Variants in UBE3A observed in about 807,000 individuals in gnomAD.
UBE3A encodes ubiquitin protein ligase E3A, also known as ubiquitin-protein ligase E3A.
Under a neutral mutation model 83.4 loss-of-function variants are expected in UBE3A, and 6 were observed. The ratio of observed to expected loss-of-function variants is 0.07; its 90% CI spans 0.04 to 0.14. The LOEUF is 0.14. Ranked by LOEUF, UBE3A falls within the 10% of genes least tolerant of loss-of-function variation. UBE3A has a pLI of 1.00. For missense variants in UBE3A, 456 were observed against 1,036.1 expected, an observed-to-expected ratio of 0.44 and a Z score of 7.69; for synonymous variants, 337 against 355.4, an observed-to-expected ratio of 0.95 and a Z score of 0.58.
intron 4 of UBE3A, among the ~76,000 whole-genome samples, chr15:25,385,892 C>A (rs903353756): frequency 1.3e-5 from 2 of 152,120 alleles, no homozygotes; most frequent in African/African-American, 4.8e-5. Context: ...GTTTTACATC[C>A]AGGCAATTGA....
At chr15:25,367,209 ATATGTAAATATT>A (rs1280731209) in intron 6 of UBE3A, among the ~76,000 whole-genome samples, 2 of 100,612 alleles carry the variant, frequency 2.0e-5, no homozygotes, top group Non-Finnish European at 3.6e-5. Flanking sequence ...ATATTTGTAA[ATATGTAAATATT>A]TACATATTTG....
chr15:25,436,467 T>C (rs1895110436), intron 1 of UBE3A, among the ~76,000 whole-genome samples: 1 of 152,196 alleles, frequency 6.6e-6, no homozygotes, highest in Non-Finnish European at 1.5e-5. Context: ...AATTTTGCTA[T>C]GACCTATAAA....
At position 25,333,991 on chromosome 15, in the gene UBE3A, C is replaced by T; in HGVS notation, c.*5146G>A. 6.6e-6 allele frequency: 1 copy of T among 151,602 alleles called. No individual in the cohort carries two copies. The allele number at this position is 151,602 out of a possible 1,614,324, so 9.4% of individuals were successfully genotyped here. ...AAACCCACAGCTAGCTAACATCATA[C>T]TCAATGGTGAAAGACTGAATGCTTT... On this transcript the variant is annotated 3_prime_UTR_variant, in exon 13 of 13. Coordinates refer to ENST00000648336, the MANE Select transcript of UBE3A (RefSeq NM_130839.5).
intron 3 of UBE3A, chr15:25,407,168 C>A: frequency 1.5e-6 from 2 of 1,346,036 alleles, no homozygotes. Flanking sequence ...CATGTACCAG[C>A]TGACTCATTT....
intron 1 of UBE3A, among the ~76,000 whole-genome samples, chr15:25,436,246 C>A (rs1299689205): frequency 6.6e-6 from 1 of 152,158 alleles, no homozygotes; most frequent in Non-Finnish European, 1.5e-5. Flanking sequence ...CGAAAGATCA[C>A]TTCTAAAAGT....
intron 1 of UBE3A, among the ~76,000 whole-genome samples, chr15:25,435,374 T>C (rs1894763506): frequency 6.6e-6 from 1 of 152,186 alleles, no homozygotes; most frequent in South Asian, 2.1e-4. Context: ...ACCTAATAAA[T>C]GTTAGTTGAT....
At chr15:25,429,368 T>C (rs996631211) in intron 1 of UBE3A, among the ~76,000 whole-genome samples, 5 of 152,176 alleles carry the variant, frequency 3.3e-5, no homozygotes, top group Non-Finnish European at 5.9e-5. Flanking sequence ...GGTGGATAAA[T>C]AGGCACTTGC....
chr15:25,344,000 ACTG>A (rs1224178659), intron 11 of UBE3A, among the ~76,000 whole-genome samples: 3 of 152,204 alleles, frequency 2.0e-5, no homozygotes, highest in Non-Finnish European at 2.9e-5. Flanking sequence ...ACTGTTGTAA[ACTG>A]CTGGTGGGAA....
At chr15:25,424,268 C>G (rs1176146299) in intron 1 of UBE3A, among the ~76,000 whole-genome samples, 1 of 152,130 alleles carries the variant, frequency 6.6e-6, no homozygotes, top group East Asian at 1.9e-4. Context: ...TGGGGTTTCC[C>G]TATTCACTAC....
chr15:25,354,822 C>G (rs1404704835), intron 9 of UBE3A, 139 bp from the exon 10 acceptor site: 2 of 785,242 alleles, frequency 2.5e-6, no homozygotes, highest in Non-Finnish European at 4.0e-6. Context: ...TTTACACCTA[C>G]TTCTTAACAA....
chr15:25,408,818 T>G, intron 3 of UBE3A: 1 of 859,976 alleles, frequency 1.2e-6, no homozygotes, highest in South Asian at 2.2e-5. Flanking sequence ...TCTATAATGT[T>G]TATAGTAAAA....
chr15:25,376,658 AC>A (rs1412903696), intron 4 of UBE3A, among the ~76,000 whole-genome samples: 1 of 152,084 alleles, frequency 6.6e-6, no homozygotes, highest in African/African-American at 2.4e-5. Context: ...AAACAAACAA[AC>A]AAAAACCAAA....
At chr15:25,358,899 C>A (rs1216616465) in intron 7 of UBE3A, among the ~76,000 whole-genome samples, 1 of 152,130 alleles carries the variant, frequency 6.6e-6, no homozygotes, top group Non-Finnish European at 1.5e-5. Flanking sequence ...GGATCAAGAA[C>A]AGCTGACAAA....
At chr15:25,349,482 C>T (rs2076190916) in intron 11 of UBE3A, among the ~76,000 whole-genome samples, 1 of 152,114 alleles carries the variant, frequency 6.6e-6, no homozygotes, top group South Asian at 2.1e-4. Context: ...TCATAAACTA[C>T]TTATCAGAAA....
intron 2 of UBE3A, among the ~76,000 whole-genome samples, chr15:25,409,886 G>A (rs992480602): frequency 2.0e-5 from 3 of 151,270 alleles, no homozygotes; most frequent in African/African-American, 4.9e-5. Context: ...CTGTATGTAC[G>A]TAAAGTCATT....
intron 4 of UBE3A, among the ~76,000 whole-genome samples, chr15:25,398,718 G>A (rs147608127): frequency 1.3e-3 from 186 of 143,446 alleles, no homozygotes; most frequent in Non-Finnish European, 1.9e-3. Context: ...AAATGATACC[G>A]AAAGGAACAT....
Position 25,404,326 on chromosome 15 carries a change from G to A in UBE3A, c.62+1135C>T, listed in dbSNP as rs527323879. On this transcript the variant is annotated intron_variant, in intron 4 of 12. Transcript: ENST00000648336. ...TTCCTTGTTCTAATTTCATTAGATG[G>A]GCATCTTTCCTCTTATTCAAGGTCA... Among the ~76,000 whole-genome samples the A allele has an allele frequency of 7.9e-5, 12 of 151,988 alleles. No individual in the cohort carries two copies. The South Asian group carries it at 1.2e-3, about 16-fold the overall frequency.
rs1195212521 is a variant in UBE3A at position 25,350,318 on chromosome 15, GAACC to G, written c.2354+4031_2354+4034del. Among the ~76,000 whole-genome samples the G allele has an allele frequency of 4.7e-5, 7 of 148,060 alleles. No homozygotes were observed. The South Asian group carries it at 1.5e-3, about 32-fold the overall frequency. On this transcript the variant is annotated intron_variant, in intron 11 of 12. Transcript: ENST00000648336. Reference sequence around the variant, plus strand: ...TCTCTTTAAAAAAAAAAAAACCAACGAACCAACCAACCAACTCTCCCTGCCCTGC... The same window carrying G: ...TCTCTTTAAAAAAAAAAAAACCAACGAACCAACCAACTCTCCCTGCCCTGC...
intron 4 of UBE3A, among the ~76,000 whole-genome samples, chr15:25,384,333 C>T (rs534779247): frequency 1.6e-4 from 25 of 151,604 alleles, no homozygotes; most frequent in South Asian, 1.3e-3. Flanking sequence ...TGGTGGCGCG[C>T]GCCTGTAATC....
Sources: gnomAD v4.1 joint callset for allele counts (sites outside exome capture counted in the v4.1 genomes callset) on GRCh38, gnomAD v4.1.1 for gene constraint, MANE v1.5 for transcripts, NCBI Gene and HGNC (gene_info 2026-07-23, HGNC 2026-07-21) for gene names.